The following UBE2H variants were observed in gnomAD, a reference collection of about 807,000 sequenced individuals.
The protein encoded by UBE2H is ubiquitin-conjugating enzyme E2 H.
A neutral mutation model predicts 29.0 loss-of-function variants in UBE2H; 3 were observed. The ratio of observed to expected loss-of-function variants is 0.10; its 90% confidence interval spans 0.05 to 0.27. The LOEUF is 0.27. UBE2H is among the 10% of genes least tolerant of loss of function. The pLI is 1.00. For missense variants in UBE2H, 68 were observed against 228.2 expected (o/e 0.30, Z 4.52); for synonymous variants, 69 against 82.9 (o/e 0.83, Z 0.91).
At chr7:129,866,878 T>C (rs1805913974) in intron 3 of UBE2H, among the ~76,000 whole-genome samples, 1 of 152,230 alleles carries the variant, frequency 6.6e-6, no homozygotes. Context: ...CTACACATCA[T>C]TAATCGTGAA....
At chr7:129,848,787 T>G (rs1805557049) in intron 5 of UBE2H, among the ~76,000 whole-genome samples, 1 of 151,856 alleles carries the variant, frequency 6.6e-6, no homozygotes, top group Admixed American at 6.6e-5. Context: ...TCCACAATTA[T>G]TTTTGGTGGT....
intron 1 of UBE2H, among the ~76,000 whole-genome samples, chr7:129,918,222 GTTGA>G (rs546100942): frequency 7.9e-4 from 121 of 152,228 alleles, no homozygotes; most frequent in Non-Finnish European, 1.3e-3. Context: ...CGCACATACA[GTTGA>G]TTAACAGGAG....
At chr7:129,912,372 A>G (rs1806954521) in intron 1 of UBE2H, among the ~76,000 whole-genome samples, 1 of 152,134 alleles carries the variant, frequency 6.6e-6, no homozygotes, top group Non-Finnish European at 1.5e-5. Context: ...TCTAAACATG[A>G]AATTCATTTA....
In UBE2H at chr7:129,907,331, G is replaced by A. The variant is rs73469802; in HGVS notation, c.54-26360C>T. ...AGAAGTAATCAGTAAAGCCTGGATC[G>A]TGTAAGAAAATGGGGCTTGAGCCAG... On this transcript the variant is annotated intron_variant, in intron 1 of 6. Coordinates refer to ENST00000355621, the MANE Select transcript of UBE2H (RefSeq NM_003344.4). Among the ~76,000 whole-genome samples, 1,063 of 151,988 alleles carry A rather than the reference G, an allele frequency of 7.0e-3. 14 individuals carry two copies. Among genetic ancestry groups the A allele is most frequent in the African/African-American group, 0.024 (1,002 of 41,330 alleles).
chr7:129,915,808 T>C (rs1313715741), intron 1 of UBE2H, among the ~76,000 whole-genome samples: 1 of 152,198 alleles, frequency 6.6e-6, no homozygotes, highest in African/African-American at 2.4e-5. Flanking sequence ...ATCCCCAGCA[T>C]GCAGTTGCTT....
chr7:129,894,065 G>A (rs1806552781), intron 1 of UBE2H, among the ~76,000 whole-genome samples: 1 of 152,222 alleles, frequency 6.6e-6, no homozygotes, highest in African/African-American at 2.4e-5. Flanking sequence ...TGAGGCAGGA[G>A]AACTGCTTGA....
rs35874993 is a variant in UBE2H, at chr7:129,917,037, CAA to C, written c.53+35464_53+35465del. Among the ~76,000 whole-genome samples, 52 of 96,376 alleles carry C rather than the reference CAA, an allele frequency of 5.4e-4. 1 individual carries two copies. Among genetic ancestry groups the C allele is most frequent in the Admixed American group, 3.2e-3 (28 of 8,824 alleles). The allele number at this position is 96,376 out of a possible 152,430, so 63.2% of individuals were successfully genotyped here. ...GGGCGACACAGCAAGATTCCGTCTCCAAAAAAAAAAAAAAAAACACAGCTGGG... is the reference window on the plus strand; with the variant it reads ...GGGCGACACAGCAAGATTCCGTCTCCAAAAAAAAAAAAAAACACAGCTGGG... On this transcript the variant is annotated intron_variant, in intron 1 of 6. Transcript: ENST00000355621.
At chr7:129,874,268 T>TTA (rs1410995794) in intron 3 of UBE2H, among the ~76,000 whole-genome samples, 1 of 151,454 alleles carries the variant, frequency 6.6e-6, no homozygotes, top group African/African-American at 2.4e-5. Context: ...TGCAAGATCT[T>TTA]TAGTGGCTAT....
Position 129,952,412 on chromosome 7 carries a change from C to T in UBE2H, c.53+91G>A. ...GAGTCTCGGACAGTGGCCTGGAGTG[C>T]CCCAGGGCCCTTGCAGTGGTTCCGG... On this transcript the variant is annotated intron_variant, in intron 1 of 6. Coordinates refer to ENST00000355621, the MANE Select transcript of UBE2H (RefSeq NM_003344.4). 3 of 1,526,812 alleles carry T rather than the reference C, an allele frequency of 2.0e-6. No individual in the cohort carries two copies. The South Asian group carries it at 3.5e-5, about 18-fold the overall frequency. The allele number at this position is 1,526,812 out of a possible 1,614,324, so 94.6% of individuals were successfully genotyped here. A position where few individuals can be genotyped will look rare whatever the true frequency, so the allele number is the denominator to read the frequency against.
At chr7:129,841,600 TCTAGAGAATGATGGG>T (rs1483218372) in intron 5 of UBE2H, among the ~76,000 whole-genome samples, 1 of 152,132 alleles carries the variant, frequency 6.6e-6, no homozygotes, top group Non-Finnish European at 1.5e-5. Context: ...ACAGTGCAGG[TCTAGAGAATGATGGG>T]CTAGAGGGTC....
At chr7:129,847,134 C>A (rs1805526829) in intron 5 of UBE2H, among the ~76,000 whole-genome samples, 1 of 152,108 alleles carries the variant, frequency 6.6e-6, no homozygotes, top group African/African-American at 2.4e-5. Context: ...GGAACCTCTG[C>A]CTTTTGGGTT....
chr7:129,891,900 TGTTA>T (rs1470856322), intron 1 of UBE2H, among the ~76,000 whole-genome samples: 2 of 151,616 alleles, frequency 1.3e-5, no homozygotes, highest in African/African-American at 4.8e-5. Flanking sequence ...TGTGTGTGTG[TGTTA>T]GTTTTTTTCC....
At chr7:129,867,915 T>C (rs553544785) in intron 3 of UBE2H, among the ~76,000 whole-genome samples, 2 of 152,220 alleles carry the variant, frequency 1.3e-5, no homozygotes, top group East Asian at 3.9e-4. Context: ...TTTCCATCCT[T>C]AAAATCAGGC....
At chr7:129,949,878 G>A (rs868324104) in intron 1 of UBE2H, among the ~76,000 whole-genome samples, 6 of 152,060 alleles carry the variant, frequency 3.9e-5, no homozygotes, top group African/African-American at 1.2e-4. Flanking sequence ...ACCAGCTATC[G>A]CCCCCCACAC....
chr7:129,853,784 A>G (rs1387160923), intron 5 of UBE2H, among the ~76,000 whole-genome samples: 1 of 152,230 alleles, frequency 6.6e-6, no homozygotes, highest in Non-Finnish European at 1.5e-5. Flanking sequence ...TACTGCTAAC[A>G]TGAATGTTGT....
chr7:129,929,230 T>A (rs1273509922), intron 1 of UBE2H, among the ~76,000 whole-genome samples: 1 of 150,208 alleles, frequency 6.7e-6, no homozygotes, highest in African/African-American at 2.5e-5. Context: ...GGCAGGAGAA[T>A]CACTTGAATC....
intron 1 of UBE2H, among the ~76,000 whole-genome samples, chr7:129,927,309 AG>A (rs1807289836): frequency 6.6e-6 from 1 of 152,272 alleles, no homozygotes; most frequent in Middle Eastern, 3.4e-3. Flanking sequence ...TGAGAGGCAG[AG>A]GGGGGTGGAT....
chr7:129,871,493 T>A (rs1806029135), intron 3 of UBE2H, among the ~76,000 whole-genome samples: 2 of 152,300 alleles, frequency 1.3e-5, no homozygotes, highest in East Asian at 1.9e-4. Context: ...GGCAGGCAGA[T>A]CACCTGAGGT....
chr7:129,912,981 G>C (rs987530974), intron 1 of UBE2H, among the ~76,000 whole-genome samples: 4 of 152,158 alleles, frequency 2.6e-5, no homozygotes, highest in Non-Finnish European at 5.9e-5. Context: ...GCCAGGTGCG[G>C]TGGTCACGCC....
Sources: gnomAD v4.1 joint callset for allele counts (sites outside exome capture counted in the v4.1 genomes callset) on GRCh38, gnomAD v4.1.1 for gene constraint, MANE v1.5 for transcripts, NCBI Gene and HGNC (gene_info 2026-07-23, HGNC 2026-07-21) for gene names.